The following CPPED1 variants were observed in gnomAD, a reference collection of about 807,000 sequenced individuals.
The protein encoded by CPPED1 is calcineurin like phosphoesterase domain containing 1.
In CPPED1, 28 loss-of-function variants were observed where a neutral mutation model predicts 28.0. The ratio of observed to expected loss-of-function variants is 1.00; its 90% CI spans 0.74 to 1.37. CPPED1 has a LOEUF of 1.37. Ranked by LOEUF, CPPED1 falls within the 40% of genes most tolerant of loss-of-function variation. The probability of loss-of-function intolerance (pLI) is 0.00; values close to 1 mark genes in which losing one functional copy is unlikely to be tolerated. For synonymous variants in CPPED1, 198 were observed against 180.2 expected, an observed-to-expected ratio of 1.10 and a Z score of -0.79; for missense variants, 504 against 416.5, an observed-to-expected ratio of 1.21 and a Z score of -1.83.
At chr16:12,749,309 A>G (rs898489320) in intron 2 of CPPED1, among the ~76,000 whole-genome samples, 1 of 152,242 alleles carries the variant, frequency 6.6e-6, no homozygotes, top group Admixed American at 6.5e-5. Flanking sequence ...TGTTCGCAGC[A>G]TCTTCACCAA....
intron 1 of CPPED1, among the ~76,000 whole-genome samples, chr16:12,789,988 T>C (rs530233270): frequency 6.6e-6 from 1 of 152,298 alleles, no homozygotes; most frequent in Non-Finnish European, 1.5e-5. Context: ...ACAGAAACCA[T>C]ATTTCAAAAC....
At chr16:12,741,632 C>A (rs1010992167) in intron 2 of CPPED1, among the ~76,000 whole-genome samples, 1 of 152,184 alleles carries the variant, frequency 6.6e-6, no homozygotes, top group Admixed American at 6.5e-5. Flanking sequence ...AATGAGACAT[C>A]TGTTAGGGTT....
intron 2 of CPPED1, among the ~76,000 whole-genome samples, chr16:12,724,160 C>A (rs1005870060): frequency 3.9e-5 from 6 of 152,196 alleles, no homozygotes; most frequent in African/African-American, 1.4e-4. Flanking sequence ...CAGACACCTC[C>A]TGTGTTCACA....
At position 12,662,715 on chromosome 16, in the gene CPPED1, T is replaced by G. The variant is rs1479727795; in HGVS notation, c.*2171A>C. 1.3e-5 allele frequency: 2 copies of G among 152,256 alleles called. No individual in the cohort carries two copies. The highest frequency in any genetic ancestry group is 1.9e-4 in the East Asian group (1 of 5,204). The allele number at this position is 152,256 out of a possible 1,614,324, so 9.4% of individuals were successfully genotyped here. ...GTTGCTGCAAAAGACATGGTTTCAT[T>G]CTTTTTAGTGGCTGAATAGTATTCC... On this transcript the variant is annotated 3_prime_UTR_variant, in exon 4 of 4. Coordinates refer to ENST00000381774, the MANE Select transcript of CPPED1 (RefSeq NM_018340.3).
At chr16:12,756,732 T>C (rs576560293) in intron 2 of CPPED1, among the ~76,000 whole-genome samples, 10 of 151,906 alleles carry the variant, frequency 6.6e-5, no homozygotes, top group African/African-American at 2.4e-4. Flanking sequence ...ATTAAAACAG[T>C]GAGTGATTCC....
chr16:12,728,357 A>G (rs566316731), intron 2 of CPPED1, among the ~76,000 whole-genome samples: 2 of 152,336 alleles, frequency 1.3e-5, no homozygotes, highest in African/African-American at 2.4e-5. Context: ...ATATTAATAG[A>G]AATAAAATAT....
intron 1 of CPPED1, among the ~76,000 whole-genome samples, chr16:12,786,242 A>C (rs1196865129): frequency 6.6e-6 from 1 of 152,172 alleles, no homozygotes; most frequent in African/African-American, 2.4e-5. Flanking sequence ...GCCCAGATCC[A>C]CTGGGTGAGG....
rs140698524 is a variant in CPPED1 at position 12,729,089 on chromosome 16, G to A, written c.290-24040C>T. Among the ~76,000 whole-genome samples, 835 of 152,242 alleles carry A rather than the reference G, an allele frequency of 5.5e-3. 5 individuals carry two copies. Among genetic ancestry groups the A allele is most frequent in the Middle Eastern group, 0.031 (9 of 294 alleles). ...CTGATCTGCCTGTCACCATCTCTGT[G>A]CTGGAGGAAGCCCCAGAGGGAGCCC... On this transcript the variant is annotated intron_variant, in intron 2 of 3. Transcript: ENST00000381774.
chr16:12,800,431 CA>C (rs11303196), intron 1 of CPPED1, among the ~76,000 whole-genome samples: 31,500 of 90,234 alleles, frequency 0.35, 4,148 homozygotes, highest in African/African-American at 0.53. Context: ...GACTCTGTCT[CA>C]AAAAAAAAAA....
At chr16:12,704,110 T>C (rs1379058312) in intron 3 of CPPED1, among the ~76,000 whole-genome samples, 2 of 152,182 alleles carry the variant, frequency 1.3e-5, no homozygotes, top group Non-Finnish European at 2.9e-5. Context: ...AGCTGATGAA[T>C]ACTGGAGGGC....
intron 2 of CPPED1, among the ~76,000 whole-genome samples, chr16:12,719,047 C>T (rs1463943500): frequency 2.0e-5 from 3 of 151,866 alleles, no homozygotes; most frequent in African/African-American, 4.8e-5. Flanking sequence ...TCTTACATGG[C>T]GGCAGGCAAG....
intron 2 of CPPED1, among the ~76,000 whole-genome samples, chr16:12,713,512 T>G (rs2141192857): frequency 6.6e-6 from 1 of 152,196 alleles, no homozygotes; most frequent in Admixed American, 6.5e-5. Context: ...ATTACAGGCA[T>G]GTGCCACAAC....
At chr16:12,769,538 T>A (rs1474125819) in intron 2 of CPPED1, among the ~76,000 whole-genome samples, 2 of 152,108 alleles carry the variant, frequency 1.3e-5, no homozygotes, top group Non-Finnish European at 2.9e-5. Context: ...GAAACAACTT[T>A]TTAAGTAATA....
chr16:12,739,065 C>T (rs752335044), intron 2 of CPPED1, among the ~76,000 whole-genome samples: 6 of 152,070 alleles, frequency 3.9e-5, no homozygotes, highest in Non-Finnish European at 8.8e-5. Flanking sequence ...TGCTGCTTAC[C>T]GAGCTGTGTA....
rs1261747175 is a variant in CPPED1 at position 12,661,541 on chromosome 16, T to TA, written c.*3344dup. The TA allele has an allele frequency of 2.0e-5, 3 of 152,222 alleles. No homozygotes were observed. Among genetic ancestry groups the TA allele is most frequent in the South Asian group, 2.1e-4 (1 of 4,834 alleles). The allele number at this position is 152,222 out of a possible 1,614,324, so 9.4% of individuals were successfully genotyped here. A position where few individuals can be genotyped will look rare whatever the true frequency, so the allele number is the denominator to read the frequency against. ...TTTGCAATCCAATTTGAGATCACTT[T>TA]AAAAAACCTTCCCCCGTAACATGTC... On this transcript the variant is annotated 3_prime_UTR_variant, in exon 4 of 4. Coordinates refer to ENST00000381774, the MANE Select transcript of CPPED1 (RefSeq NM_018340.3).
chr16:12,708,384 AG>A (rs912842177), intron 2 of CPPED1, among the ~76,000 whole-genome samples: 3 of 152,152 alleles, frequency 2.0e-5, no homozygotes, highest in African/African-American at 7.2e-5. Flanking sequence ...CCCATACCTC[AG>A]GAATGGCTGT....
chr16:12,770,250 T>C (rs1195035873), intron 2 of CPPED1, among the ~76,000 whole-genome samples: 1 of 152,128 alleles, frequency 6.6e-6, no homozygotes, highest in Admixed American at 6.5e-5. Context: ...CTGAGGCAGA[T>C]TCTAAACCCA....
intron 2 of CPPED1, among the ~76,000 whole-genome samples, chr16:12,758,812 A>C (rs751990652): frequency 7.9e-5 from 12 of 152,094 alleles, no homozygotes; most frequent in Non-Finnish European, 1.2e-4. Flanking sequence ...ACTGCAGCTG[A>C]ATCTAGTAAT....
intron 2 of CPPED1, among the ~76,000 whole-genome samples, chr16:12,744,723 G>A (rs375089985): frequency 6.6e-6 from 1 of 152,196 alleles, no homozygotes; most frequent in South Asian, 2.1e-4. Flanking sequence ...ACTCACACCT[G>A]TAATCCCAGT....
Sources: allele counts gnomAD v4.1 joint callset (sites outside exome capture counted in the v4.1 genomes callset), GRCh38; gene constraint gnomAD v4.1.1; transcripts MANE v1.5; gene names NCBI Gene and HGNC (gene_info 2026-07-23, HGNC 2026-07-21).